The following KSR2 variants were observed in gnomAD, a reference collection of about 807,000 sequenced individuals.
KSR2 encodes the protein kinase suppressor of ras 2.
In KSR2, 25 loss-of-function variants were observed where a neutral mutation model predicts 107.8. The observed-to-expected ratio is 0.23, with a 90% CI of 0.17 to 0.32. KSR2 has a LOEUF of 0.32. KSR2 is among the 10% of genes least tolerant of loss of function. KSR2 has a pLI of 1.00. For synonymous variants in KSR2, 480 were observed against 507.0 expected (o/e 0.95, Z 0.71); for missense variants, 887 against 1,268.9 (o/e 0.70, Z 4.57).
chr12:117,620,669 A>C (rs1882145361), intron 5 of KSR2, among the ~76,000 whole-genome samples: 1 of 152,200 alleles, frequency 6.6e-6, no homozygotes, highest in African/African-American at 2.4e-5. Context: ...AGCAGCAAAG[A>C]CTGGAAGAGT....
At chr12:117,860,147 T>C (rs1893239092) in intron 2 of KSR2, 144 bp downstream of exon 2, 8 of 798,800 alleles carry the variant, frequency 1.0e-5, no homozygotes, top group African/African-American at 1.7e-5. Context: ...ATCCTGAATG[T>C]TTTCGTCCAG....
At position 117,471,227 on chromosome 12, in the gene KSR2, G is replaced by A. The variant is rs183400641; in HGVS notation, c.2676C>T (p.Pro892=). Residue 892 remains proline (P), a synonymous_variant, in exon 18 of 20, where the codon CCC becomes CCT. Coordinates refer to ENST00000339824, the MANE Select transcript of KSR2 (RefSeq NM_173598.6). ...IIWQMGTGMK[P]NLSQIGMGKE... ...TTCCCATGCCAATCTGGCTGAGGTT[G>A]GGTTTCATGCCTGTGCCCATTTGCC... is the stretch of plus-strand genomic sequence containing the variant. The A allele has an allele frequency of 1.6e-4, 252 of 1,613,950 alleles. 1 individual carries two copies. In the Middle Eastern group the frequency reaches 9.7e-3, roughly 62 times the overall value.
chr12:117,539,581 T>C, intron 10 of KSR2, 138 bp downstream of exon 10: 1 of 751,550 alleles, frequency 1.3e-6, no homozygotes, highest in Non-Finnish European at 2.1e-6. Flanking sequence ...ACATACTTCC[T>C]TGCCCCTCTC....
intron 14 of KSR2, among the ~76,000 whole-genome samples, chr12:117,492,123 C>T (rs1272658420): frequency 6.6e-6 from 1 of 152,182 alleles, no homozygotes; most frequent in Non-Finnish European, 1.5e-5. Context: ...TGCAGGCTAC[C>T]CCACCTCTCC....
rs1345472523 is a variant in KSR2 at position 117,947,191 on chromosome 12, GAAAGAAAAGAAAGA to G, written c.180+20871_180+20884del. Among the ~76,000 whole-genome samples the G allele has an allele frequency of 3.7e-4, 40 of 107,532 alleles. 1 individual carries two copies. Among genetic ancestry groups the G allele is most frequent in the African/African-American group, 1.3e-3 (33 of 26,180 alleles). The allele number at this position is 107,532 out of a possible 152,430, so 70.5% of individuals were successfully genotyped here. A position where few individuals can be genotyped will look rare whatever the true frequency, so the allele number is the denominator to read the frequency against. On this transcript the variant is annotated intron_variant, in intron 1 of 19. Coordinates refer to ENST00000339824, the MANE Select transcript of KSR2 (RefSeq NM_173598.6). ...AAAAGAAAGAAAGAAAGAAAGAAAA[GAAAGAAAAGAAAGA>G]AAAGAAAGAAAGAAAGAAAGAAAGA... is the stretch of plus-strand genomic sequence containing the variant.
At chr12:117,951,830 AAGG>A (rs1896373421) in intron 1 of KSR2, among the ~76,000 whole-genome samples, 1 of 152,150 alleles carries the variant, frequency 6.6e-6, no homozygotes, top group African/African-American at 2.4e-5. Flanking sequence ...AACTCAACAG[AAGG>A]AGGACAATTC....
In KSR2 at chr12:117,720,500, C is replaced by G. The variant is rs11613891; in HGVS notation, c.986+40511G>C. ...TAAAAAGGAATTGTTTAAAGTAACA[C>G]GAGGCAGAGGCAAGATCGATAAAAG... On this transcript the variant is annotated intron_variant, in intron 4 of 19. Coordinates refer to ENST00000339824, the MANE Select transcript of KSR2 (RefSeq NM_173598.6). Among the ~76,000 whole-genome samples the G allele has an allele frequency of 6.3e-3, 956 of 152,300 alleles. 7 individuals carry two copies. Among genetic ancestry groups the G allele is most frequent in the South Asian group, 0.019 (94 of 4,824 alleles).
intron 4 of KSR2, among the ~76,000 whole-genome samples, chr12:117,680,462 G>A (rs1230879415): frequency 1.3e-5 from 2 of 152,194 alleles, no homozygotes; most frequent in Non-Finnish European, 1.5e-5. Flanking sequence ...TTTTGGACAC[G>A]GCTGCTCTAA....
intron 14 of KSR2, among the ~76,000 whole-genome samples, chr12:117,493,735 T>C (rs2137160842): frequency 6.6e-6 from 1 of 152,302 alleles, no homozygotes; most frequent in Non-Finnish European, 1.5e-5. Flanking sequence ...TTAACTTGAA[T>C]TGTATCTCTC....
intron 5 of KSR2, among the ~76,000 whole-genome samples, chr12:117,651,538 T>C (rs1732710680): frequency 6.6e-6 from 1 of 152,180 alleles, no homozygotes; most frequent in Non-Finnish European, 1.5e-5. Flanking sequence ...TTGGGCCCAC[T>C]AAGTAGGGAC....
chr12:117,825,894 CAT>C, intron 3 of KSR2, among the ~76,000 whole-genome samples: 2 of 119,060 alleles, frequency 1.7e-5, no homozygotes, highest in South Asian at 6.4e-4. Context: ...TGCATGCATG[CAT>C]AGATGCGTGG....
At chr12:117,877,330 C>A (rs529234865) in intron 1 of KSR2, among the ~76,000 whole-genome samples, 1 of 151,998 alleles carries the variant, frequency 6.6e-6, no homozygotes, top group South Asian at 2.1e-4. Context: ...GAGTAAGACT[C>A]CATCTCAAAA....
intron 1 of KSR2, among the ~76,000 whole-genome samples, chr12:117,912,697 C>T (rs2893759): frequency 0.011 from 1,679 of 152,268 alleles, 32 homozygotes; most frequent in Admixed American, 0.043. Flanking sequence ...CTTTGTAACA[C>T]TTTTACATCC....
intron 7 of KSR2, among the ~76,000 whole-genome samples, chr12:117,563,049 G>A (rs1246807070): frequency 6.6e-6 from 1 of 152,094 alleles, no homozygotes; most frequent in Non-Finnish European, 1.5e-5. Context: ...AGCACACTAT[G>A]TCCCTCTTAA....
At chr12:117,828,827 C>T (rs977527023) in intron 3 of KSR2, among the ~76,000 whole-genome samples, 3 of 152,194 alleles carry the variant, frequency 2.0e-5, no homozygotes, top group Non-Finnish European at 4.4e-5. Context: ...GCTAGCCTCC[C>T]AACTGCCATC....
At chr12:117,723,697 A>G (rs1161431638) in intron 4 of KSR2, among the ~76,000 whole-genome samples, 1 of 152,016 alleles carries the variant, frequency 6.6e-6, no homozygotes, top group African/African-American at 2.4e-5. Context: ...ACCAATGTCA[A>G]TTTCATACTG....
intron 1 of KSR2, among the ~76,000 whole-genome samples, chr12:117,955,004 G>A (rs534766209): frequency 2.8e-5 from 4 of 143,688 alleles, no homozygotes; most frequent in Non-Finnish European, 4.5e-5. Flanking sequence ...GCAAGAGAGC[G>A]AGACCCTGTC....
At chr12:117,950,232 C>A (rs1044449465) in intron 1 of KSR2, among the ~76,000 whole-genome samples, 2 of 152,002 alleles carry the variant, frequency 1.3e-5, no homozygotes, top group Non-Finnish European at 2.9e-5. Context: ...CCTCGGCCTT[C>A]CAGAATGCTG....
At chr12:117,790,015 T>C (rs375223304) in intron 3 of KSR2, among the ~76,000 whole-genome samples, 1 of 152,194 alleles carries the variant, frequency 6.6e-6, no homozygotes, top group Admixed American at 6.5e-5. Context: ...TGCCCTGGGC[T>C]GACGCTTCCA....
Sources: allele counts gnomAD v4.1 joint callset (sites outside exome capture counted in the v4.1 genomes callset), GRCh38; gene constraint gnomAD v4.1.1; transcripts MANE v1.5; gene names NCBI Gene and HGNC (gene_info 2026-07-23, HGNC 2026-07-21).